Variants in PIEZO2 observed in about 807,000 individuals in gnomAD.
The protein encoded by PIEZO2 is piezo-type mechanosensitive ion channel component 2.
Under a neutral mutation model 337.3 loss-of-function variants are expected in PIEZO2, and 172 were observed. The ratio of observed to expected loss-of-function variants is 0.51; its 90% CI spans 0.45 to 0.58. The LOEUF (loss-of-function observed/expected upper bound fraction) is 0.58. Among genes scored for constraint, PIEZO2 ranks in the 20% least tolerant of loss-of-function variants. PIEZO2 has a pLI of 0.00. For missense variants in PIEZO2, 3,028 were observed against 3,391.3 expected, an observed-to-expected ratio of 0.89 and a Z score of 2.66; for synonymous variants, 1,251 against 1,228.5, an observed-to-expected ratio of 1.02 and a Z score of -0.38.
chr18:11,024,904 G>T (rs2036478135), intron 2 of PIEZO2, among the ~76,000 whole-genome samples: 1 of 151,358 alleles, frequency 6.6e-6, no homozygotes, highest in African/African-American at 2.4e-5. Context: ...CTCCCAAAGT[G>T]CTGGAAATAC....
At chr18:10,736,205 A>T (rs1180383577) in intron 34 of PIEZO2, among the ~76,000 whole-genome samples, 1 of 152,242 alleles carries the variant, frequency 6.6e-6, no homozygotes, top group Non-Finnish European at 1.5e-5. Flanking sequence ...GCTCCACAAC[A>T]AAGCAAGGAT....
chr18:10,857,977 C>T (rs984434451), intron 5 of PIEZO2, among the ~76,000 whole-genome samples: 10 of 149,814 alleles, frequency 6.7e-5, no homozygotes, highest in East Asian at 1.9e-4. Context: ...AGAAGGGTTA[C>T]GACTTTTTCT....
intron 1 of PIEZO2, among the ~76,000 whole-genome samples, chr18:11,120,997 A>T (rs2040013375): frequency 6.6e-6 from 1 of 152,240 alleles, no homozygotes; most frequent in South Asian, 2.1e-4. Flanking sequence ...TCACGCCTAA[A>T]ATCCCAGCAC....
At chr18:11,106,735 G>C (rs1213524285) in intron 1 of PIEZO2, among the ~76,000 whole-genome samples, 1 of 152,134 alleles carries the variant, frequency 6.6e-6, no homozygotes, top group Non-Finnish European at 1.5e-5. Flanking sequence ...AAGGACAGTG[G>C]CATACAGTGA....
chr18:11,010,381 G>A (rs557600286), intron 2 of PIEZO2, among the ~76,000 whole-genome samples: 1 of 152,302 alleles, frequency 6.6e-6, no homozygotes, highest in Non-Finnish European at 1.5e-5. Flanking sequence ...CACTCAACAT[G>A]TTTTGAGAAG....
chr18:10,960,939 G>A (rs974806363), intron 3 of PIEZO2, among the ~76,000 whole-genome samples: 1 of 152,174 alleles, frequency 6.6e-6, no homozygotes, highest in Non-Finnish European at 1.5e-5. Flanking sequence ...AGCACTTTGG[G>A]AGGCTGAGGC....
At position 10,903,092 on chromosome 18, in the gene PIEZO2, G is replaced by T. The variant is rs2043089437; in HGVS notation, c.329+8094C>A. Among the ~76,000 whole-genome samples, 1 of 152,076 alleles carries T rather than the reference G, an allele frequency of 6.6e-6. No individual in the cohort carries two copies. Among genetic ancestry groups the T allele is most frequent in the South Asian group, 2.1e-4 (1 of 4,814 alleles). On this transcript the variant is annotated intron_variant, in intron 4 of 55. Coordinates refer to ENST00000674853, the MANE Select transcript of PIEZO2 (RefSeq NM_001378183.1). This position sits in a 1 kb window ranked among gnomAD's most constrained non-coding sequence, Gnocchi z 4.1. The stretch of plus-strand genomic sequence containing the variant: ...CAACCCATGGGCTGTACTCATTCCA[G>T]AATCCTTCCTCCCCTACACGCTGAC...
chr18:10,933,111 A>G (rs2032188140), intron 3 of PIEZO2, among the ~76,000 whole-genome samples: 1 of 152,166 alleles, frequency 6.6e-6, no homozygotes, highest in Admixed American at 6.5e-5. Flanking sequence ...CTTGGAAGAA[A>G]GGGAAGAATG....
intron 4 of PIEZO2, among the ~76,000 whole-genome samples, chr18:10,901,916 A>C (rs76800806): frequency 7.2e-6 from 1 of 138,664 alleles, no homozygotes; most frequent in Non-Finnish European, 1.6e-5. Context: ...TATGCAAAAC[A>C]AAAAAAAAAA....
chr18:10,750,145 A>C lies in PIEZO2; in HGVS notation c.4210T>G (p.Cys1404Gly). Residue 1404 changes from cysteine to glycine, a missense_variant, in exon 29 of 56, where the codon TGT becomes GGT. By Grantham distance (159) the Cys-to-Gly change is radical. Transcript: ENST00000674853. The surrounding 1 kb of genome is among the most constrained non-coding windows in gnomAD (Gnocchi z 4.1). ...GYIGTLVHNS[C>G]WLIQAFSLAC... ...AGGCTGAAAGCCTGGATCAACCAAC[A>C]ACTATTGTGCACCAATGTTCCAATG... 6.5e-7 allele frequency: 1 copy of C among 1,537,190 alleles called. No individual in the cohort carries two copies. Among genetic ancestry groups the C allele is most frequent in the East Asian group, 2.4e-5 (1 of 40,916 alleles).
intron 39 of PIEZO2, among the ~76,000 whole-genome samples, chr18:10,714,245 G>A (rs1211353725): frequency 1.3e-5 from 2 of 152,174 alleles, no homozygotes; most frequent in African/African-American, 4.8e-5. Flanking sequence ...CATTAGTACT[G>A]TGTCATCTGA....
intron 2 of PIEZO2, among the ~76,000 whole-genome samples, chr18:11,041,929 C>T (rs1395452731): frequency 2.0e-5 from 3 of 152,162 alleles, no homozygotes; most frequent in African/African-American, 7.2e-5. Context: ...GACTCTTCTC[C>T]ATGACTGCCA....
chr18:11,001,187 TGTAA>T lies in PIEZO2; in HGVS notation c.161-21531_161-21528del, dbSNP rs2035519122. Among the ~76,000 whole-genome samples the T allele has an allele frequency of 6.6e-6, 1 of 152,158 alleles. No individual in the cohort carries two copies. Among genetic ancestry groups the T allele is most frequent in the African/African-American group, 2.4e-5 (1 of 41,428 alleles). Reference sequence around the variant, plus strand: ...TGGATATTGATTGTCCTCAAGCAGATGTAAGCCTCCTGAAGGCAGGGCTGCCGCT... The same window carrying T: ...TGGATATTGATTGTCCTCAAGCAGATGCCTCCTGAAGGCAGGGCTGCCGCT... On this transcript the variant is annotated intron_variant, in intron 2 of 55. Transcript: ENST00000674853. This position sits in a 1 kb window ranked among gnomAD's most constrained non-coding sequence, Gnocchi z 5.3.
Position 10,833,142 on chromosome 18 carries a change from G to C in PIEZO2, c.917+22211C>G, listed in dbSNP as rs2040899368. Among the ~76,000 whole-genome samples the C allele has an allele frequency of 2.6e-5, 4 of 152,164 alleles. No homozygotes were observed. Among genetic ancestry groups the C allele is most frequent in the Admixed American group, 2.6e-4 (4 of 15,284 alleles). ...CAAGTGTGGCTTTTCCTGGCAGAGAGGCAGCAACACCCAAGGAACACAGTG... is the reference window on the plus strand; with the variant it reads ...CAAGTGTGGCTTTTCCTGGCAGAGACGCAGCAACACCCAAGGAACACAGTG... On this transcript the variant is annotated intron_variant, in intron 7 of 55. Coordinates refer to ENST00000674853, the MANE Select transcript of PIEZO2 (RefSeq NM_001378183.1). This position sits in a 1 kb window ranked among gnomAD's most constrained non-coding sequence, Gnocchi z 4.7.
chr18:10,868,561 A>C (rs900127593), intron 5 of PIEZO2, among the ~76,000 whole-genome samples: 1 of 152,230 alleles, frequency 6.6e-6, no homozygotes, highest in African/African-American at 2.4e-5. Context: ...GAGAAGGAAA[A>C]TAATTCCATA....
Position 11,138,750 on chromosome 18 carries a change from G to A in PIEZO2, c.64+9775C>T, listed in dbSNP as rs551219835. 2.0e-5 allele frequency among the ~76,000 whole-genome samples: 3 copies of A among 152,322 alleles called. No individual in the cohort carries two copies. The South Asian group carries it at 6.2e-4, about 32-fold the overall frequency. Reference sequence around the variant, plus strand: ...GAATATTAATACAACATTCTGTAATGAGTATGCAAAGTGGCGGGTGAGCAC... The same window carrying A: ...GAATATTAATACAACATTCTGTAATAAGTATGCAAAGTGGCGGGTGAGCAC... On this transcript the variant is annotated intron_variant, in intron 1 of 55. Transcript: ENST00000674853.
Position 10,850,304 on chromosome 18 carries a change from C to T in PIEZO2, c.917+5049G>A, listed in dbSNP as rs1313343526. Among the ~76,000 whole-genome samples, 1 of 152,174 alleles carries T rather than the reference C, an allele frequency of 6.6e-6. No individual in the cohort carries two copies. The highest frequency in any genetic ancestry group is 2.4e-5 in the African/African-American group (1 of 41,434). On this transcript the variant is annotated intron_variant, in intron 7 of 55. Transcript: ENST00000674853. The surrounding 1 kb of genome is among the most constrained non-coding windows in gnomAD (Gnocchi z 4.5). ...AAAATGAAACTCCAGCCCTGTGCCA[C>T]ACATCGGCGTGGAATTTCAGTTTAT...
intron 2 of PIEZO2, among the ~76,000 whole-genome samples, chr18:11,005,259 A>T (rs1014567666): frequency 6.6e-6 from 1 of 152,248 alleles, no homozygotes; most frequent in African/African-American, 2.4e-5. Context: ...TCTCCTGTAC[A>T]GAGTTATCCT....
intron 1 of PIEZO2, among the ~76,000 whole-genome samples, chr18:11,122,023 G>A (rs12967514): frequency 0.57 from 85,969 of 151,778 alleles, 27,089 homozygotes; most frequent in Non-Finnish European, 0.7. Flanking sequence ...GCGCTATCTC[G>A]GCTCACTGCA....
Sources: gnomAD v4.1 joint callset for allele counts (sites outside exome capture counted in the v4.1 genomes callset) on GRCh38, gnomAD v4.1.1 for gene constraint, Gnocchi (gnomAD v3.1) non-coding constraint, MANE v1.5 for transcripts, NCBI Gene and HGNC (gene_info 2026-07-23, HGNC 2026-07-21) for gene names.